Variants in PLXDC2 observed in about 807,000 individuals in gnomAD.
PLXDC2 encodes the protein plexin domain-containing protein 2.
A neutral mutation model predicts 68.9 loss-of-function variants in PLXDC2; 40 were observed. The ratio of observed to expected loss-of-function variants is 0.58; its 90% CI spans 0.45 to 0.76. The LOEUF (loss-of-function observed/expected upper bound fraction) is 0.76. PLXDC2 is among the 30% of genes least tolerant of loss of function. PLXDC2 has a pLI of 0.00. For synonymous variants in PLXDC2, 243 were observed against 234.2 expected (o/e 1.04, Z -0.34); for missense variants, 644 against 661.9 (o/e 0.97, Z 0.30).
intron 1 of PLXDC2, among the ~76,000 whole-genome samples, chr10:19,965,674 G>A (rs929580421): frequency 4.1e-5 from 6 of 147,538 alleles, no homozygotes; most frequent in South Asian, 2.3e-4. Flanking sequence ...GAACCATCCC[G>A]GTCTGCAGGA....
At chr10:20,149,321 C>T (rs575633084) in intron 6 of PLXDC2, among the ~76,000 whole-genome samples, 1 of 135,770 alleles carries the variant, frequency 7.4e-6, no homozygotes, top group African/African-American at 2.7e-5. Context: ...TCACCATAAC[C>T]TCTGCCTTCT....
chr10:19,994,312 A>ATTTTTTTTTTTTTTTTTTTTTTTTTTTT (rs869124443), intron 1 of PLXDC2, among the ~76,000 whole-genome samples: 4 of 34,326 alleles, frequency 1.2e-4, no homozygotes, highest in Non-Finnish European at 1.5e-4. Context: ...ACATGATTAA[A>ATTTTTTTTTTTTTTTTTTTTTTTTTTTT]TTTTTTTTTT....
chr10:20,163,413 GTATTA>G lies in PLXDC2; in HGVS notation c.784-1046_784-1042del, dbSNP rs571406236. Among the ~76,000 whole-genome samples, 502 of 151,642 alleles carry G rather than the reference GTATTA, an allele frequency of 3.3e-3. 2 individuals are homozygous for G. The highest frequency in any genetic ancestry group is 5.7e-3 in the Non-Finnish European group (386 of 67,938). On this transcript the variant is annotated intron_variant, in intron 6 of 13. Transcript: ENST00000377252. ...TTTTTATTATAGATTGTATTGTATT[GTATTA>G]TATTATATATTCTCTCCCACTTATT...
chr10:20,175,329 A>C (rs1374020394), intron 7 of PLXDC2, among the ~76,000 whole-genome samples: 1 of 152,202 alleles, frequency 6.6e-6, no homozygotes, highest in Non-Finnish European at 1.5e-5. Flanking sequence ...AGCCTGAGGC[A>C]ACACAGATTC....
intron 3 of PLXDC2, among the ~76,000 whole-genome samples, chr10:20,049,169 G>T (rs1835850145): frequency 6.6e-6 from 1 of 152,014 alleles, no homozygotes; most frequent in African/African-American, 2.4e-5. Flanking sequence ...CACCCTTCAT[G>T]TTAAAAACAC....
At chr10:19,890,676 CTTTTTTTTTTTT>C (rs56921191) in intron 1 of PLXDC2, among the ~76,000 whole-genome samples, 1,038 of 61,180 alleles carry the variant, frequency 0.017, 19 homozygotes, top group African/African-American at 0.062. Flanking sequence ...CGCCCGGCTG[CTTTTTTTTTTTT>C]TTTTTTTTTT....
chr10:20,071,848 A>G (rs1451612036), intron 4 of PLXDC2, among the ~76,000 whole-genome samples: 3 of 152,186 alleles, frequency 2.0e-5, no homozygotes, highest in African/African-American at 7.2e-5. Flanking sequence ...AGAGGAAGGT[A>G]GAATTTTAGT....
At chr10:19,977,743 G>T (rs1156785232) in intron 1 of PLXDC2, among the ~76,000 whole-genome samples, 1 of 152,018 alleles carries the variant, frequency 6.6e-6, no homozygotes, top group Non-Finnish European at 1.5e-5. Flanking sequence ...GGCAGAGGGG[G>T]TGGGGTGGGG....
At chr10:20,080,997 G>A (rs1267748159) in intron 4 of PLXDC2, among the ~76,000 whole-genome samples, 2 of 152,206 alleles carry the variant, frequency 1.3e-5, no homozygotes, top group East Asian at 3.9e-4. Flanking sequence ...TTAAACTTCT[G>A]TGGGCTTGAG....
chr10:20,110,537 A>G (rs892743692), intron 4 of PLXDC2, among the ~76,000 whole-genome samples: 6 of 152,032 alleles, frequency 3.9e-5, no homozygotes, highest in African/African-American at 1.4e-4. Context: ...CTGTAATGCC[A>G]TCTTTCCTGG....
chr10:19,828,438 A>C (rs573519042), intron 1 of PLXDC2, among the ~76,000 whole-genome samples: 1 of 152,066 alleles, frequency 6.6e-6, no homozygotes, highest in Admixed American at 6.5e-5. Flanking sequence ...TGTGAACTCC[A>C]CCTCCAGCTC....
chr10:20,138,080 C>G (rs1833956949), intron 4 of PLXDC2, among the ~76,000 whole-genome samples: 1 of 152,100 alleles, frequency 6.6e-6, no homozygotes, highest in Non-Finnish European at 1.5e-5. Flanking sequence ...ACGTAGAGCT[C>G]AATTTTATTT....
intron 10 of PLXDC2, among the ~76,000 whole-genome samples, chr10:20,215,170 G>A (rs192751235): frequency 9.9e-5 from 15 of 152,248 alleles, no homozygotes; most frequent in African/African-American, 3.6e-4. Flanking sequence ...GGAGGTGTCA[G>A]AACATTGAGG....
intron 1 of PLXDC2, among the ~76,000 whole-genome samples, chr10:19,848,457 G>C (rs897620577): frequency 6.6e-6 from 1 of 152,124 alleles, no homozygotes; most frequent in African/African-American, 2.4e-5. Flanking sequence ...GTTTCTTGAC[G>C]CAGGAGGCAT....
At chr10:19,991,991 G>C (rs34981809) in intron 1 of PLXDC2, among the ~76,000 whole-genome samples, 9,767 of 152,218 alleles carry the variant, frequency 0.064, 382 homozygotes, top group Middle Eastern at 0.13. Context: ...TATAAAATTA[G>C]CCCAATATAG....
intron 4 of PLXDC2, among the ~76,000 whole-genome samples, chr10:20,110,892 A>G (rs910226633): frequency 6.6e-6 from 1 of 151,744 alleles, no homozygotes; most frequent in African/African-American, 2.4e-5. Context: ...CTCCCTTTCC[A>G]TTCTCTCTGC....
intron 2 of PLXDC2, among the ~76,000 whole-genome samples, chr10:20,013,175 T>G (rs980824986): frequency 6.6e-6 from 1 of 152,190 alleles, no homozygotes; most frequent in Non-Finnish European, 1.5e-5. Context: ...TGTTTATCTA[T>G]CTACCTACAT....
chr10:19,859,758 GTC>G (rs1837285320), intron 1 of PLXDC2, among the ~76,000 whole-genome samples: 1 of 152,118 alleles, frequency 6.6e-6, no homozygotes, highest in African/African-American at 2.4e-5. Flanking sequence ...TTGAGATGGA[GTC>G]TCTCTGCATC....
At chr10:20,082,838 T>G (rs947086417) in intron 4 of PLXDC2, among the ~76,000 whole-genome samples, 1 of 152,158 alleles carries the variant, frequency 6.6e-6, no homozygotes, top group East Asian at 1.9e-4. Flanking sequence ...ACCCATAGAG[T>G]AGAATACTAT....
Sources: allele counts gnomAD v4.1 joint callset (sites outside exome capture counted in the v4.1 genomes callset), GRCh38; gene constraint gnomAD v4.1.1; transcripts MANE v1.5; gene names NCBI Gene and HGNC (gene_info 2026-07-23, HGNC 2026-07-21).